The following GMDS variants were observed in gnomAD, a reference collection of about 807,000 sequenced individuals.
GMDS encodes the protein GDP-mannose 4,6-dehydratase.
In GMDS, 20 loss-of-function variants were observed where a neutral mutation model predicts 49.9. The observed-to-expected ratio is 0.40, with a 90% confidence interval of 0.28 to 0.58. The LOEUF is 0.58. GMDS is among the 20% of genes least tolerant of loss of function. GMDS has a pLI of 0.42. For synonymous variants in GMDS, 177 were observed against 178.6 expected, an observed-to-expected ratio of 0.99 and a Z score of 0.07; for missense variants, 362 against 481.4, an observed-to-expected ratio of 0.75 and a Z score of 2.32.
At chr6:1,704,279 G>A (rs1283505782) in intron 9 of GMDS, among the ~76,000 whole-genome samples, 1 of 151,480 alleles carries the variant, frequency 6.6e-6, no homozygotes, top group Non-Finnish European at 1.5e-5. Flanking sequence ...TAAAGGCACT[G>A]AGATTCAAGG....
intron 9 of GMDS, among the ~76,000 whole-genome samples, chr6:1,652,698 TTATATATATATA>T (rs57897372): frequency 5.3e-4 from 1 of 1,892 alleles, no homozygotes; most frequent in African/African-American, 1.1e-3. Flanking sequence ...ATATAATATA[TTATATATATATA>T]TATATATATA....
At chr6:1,914,131 G>GTTTTTTTTTTTTTTT (rs563808537) in intron 7 of GMDS, among the ~76,000 whole-genome samples, 1 of 77,856 alleles carries the variant, frequency 1.3e-5, no homozygotes, top group Non-Finnish European at 2.6e-5. Flanking sequence ...TTTTTTGTTT[G>GTTTTTTTTTTTTTTT]TTTTTTTTTT....
intron 7 of GMDS, among the ~76,000 whole-genome samples, chr6:1,786,612 T>C (rs1394304775): frequency 6.6e-6 from 1 of 152,136 alleles, no homozygotes; most frequent in Non-Finnish European, 1.5e-5. Context: ...CGCTGGGCAG[T>C]CTCCTCCCTA....
chr6:2,233,768 T>G (rs1349072770), intron 1 of GMDS, among the ~76,000 whole-genome samples: 1 of 152,030 alleles, frequency 6.6e-6, no homozygotes, highest in Non-Finnish European at 1.5e-5. Flanking sequence ...GAAGTTGCAG[T>G]GGGCAGTGAT....
chr6:1,644,228 CCT>C (rs1350582587), intron 9 of GMDS, among the ~76,000 whole-genome samples: 1 of 152,184 alleles, frequency 6.6e-6, no homozygotes, highest in African/African-American at 2.4e-5. Flanking sequence ...AGGGGAGACC[CCT>C]GATTCCACCC....
intron 7 of GMDS, among the ~76,000 whole-genome samples, chr6:1,808,690 T>C (rs1449184848): frequency 6.6e-6 from 1 of 152,198 alleles, no homozygotes. Flanking sequence ...AAAATTAATA[T>C]TGCCTAATGT....
chr6:2,069,821 G>A (rs966286389), intron 4 of GMDS, among the ~76,000 whole-genome samples: 20 of 152,092 alleles, frequency 1.3e-4, no homozygotes, highest in African/African-American at 4.4e-4. Context: ...CTGCTGGTGG[G>A]ACTGTAAACT....
At chr6:1,726,348 C>A (rs1766584700) in intron 9 of GMDS, 68 bp downstream of exon 9, 2 of 1,009,040 alleles carry the variant, frequency 2.0e-6, no homozygotes, top group African/African-American at 3.2e-5. Context: ...ACCAGGCATT[C>A]CATGAGCGCA....
chr6:1,628,579 C>G (rs986010286), intron 9 of GMDS, among the ~76,000 whole-genome samples: 4 of 152,160 alleles, frequency 2.6e-5, no homozygotes, highest in Non-Finnish European at 5.9e-5. Flanking sequence ...TTAGTTCAAA[C>G]TAGGTGTTGG....
At chr6:1,882,035 T>C (rs1759389453) in intron 7 of GMDS, among the ~76,000 whole-genome samples, 1 of 152,236 alleles carries the variant, frequency 6.6e-6, no homozygotes, top group Non-Finnish European at 1.5e-5. Flanking sequence ...TATTTTTAAA[T>C]ACACATGTAA....
intron 1 of GMDS, among the ~76,000 whole-genome samples, chr6:2,233,538 G>A (rs1237073911): frequency 6.6e-6 from 1 of 152,208 alleles, no homozygotes; most frequent in East Asian, 1.9e-4. Context: ...ACAAAAACAG[G>A]GCTTGCCGTG....
chr6:1,777,238 G>A (rs141308783), intron 7 of GMDS, among the ~76,000 whole-genome samples: 28 of 152,318 alleles, frequency 1.8e-4, no homozygotes, highest in African/African-American at 6.5e-4. Flanking sequence ...GCGCTGCTGC[G>A]CCTACATAGC....
chr6:2,227,860 T>C (rs1581827492), intron 1 of GMDS, among the ~76,000 whole-genome samples: 2 of 152,138 alleles, frequency 1.3e-5, no homozygotes, highest in Admixed American at 1.3e-4. Context: ...AGACATAGGC[T>C]CTCCTACCTG....
chr6:1,707,351 T>C (rs746968132), intron 9 of GMDS, among the ~76,000 whole-genome samples: 4 of 152,206 alleles, frequency 2.6e-5, no homozygotes, highest in Non-Finnish European at 4.4e-5. Context: ...CATCTATCTA[T>C]GTATTGCTCA....
chr6:2,156,813 C>T (rs920943609), intron 1 of GMDS, among the ~76,000 whole-genome samples: 16 of 151,616 alleles, frequency 1.1e-4, no homozygotes, highest in African/African-American at 3.6e-4. Context: ...TTTACATATG[C>T]CATATATAAA....
intron 7 of GMDS, among the ~76,000 whole-genome samples, chr6:1,784,548 G>A (rs187577810): frequency 2.6e-5 from 4 of 152,232 alleles, no homozygotes; most frequent in East Asian, 3.9e-4. Flanking sequence ...AGATTTGGCC[G>A]GATGTCAGAG....
rs113816064 is a variant in GMDS, at chr6:2,072,404, T to A, written c.345+43367A>T. On this transcript the variant is annotated intron_variant, in intron 4 of 10. Coordinates refer to ENST00000380815, the MANE Select transcript of GMDS (RefSeq NM_001500.4). Reference sequence around the variant, plus strand: ...TGTCTGAAGGCAGCCTGCCTATCCTTTTCATTTTAAATAAAACTGATCAAA... The same window carrying A: ...TGTCTGAAGGCAGCCTGCCTATCCTATTCATTTTAAATAAAACTGATCAAA... Among the ~76,000 whole-genome samples, 574 of 152,286 alleles carry A rather than the reference T, an allele frequency of 3.8e-3. 3 individuals are homozygous for A. The highest frequency in any genetic ancestry group is 0.013 in the African/African-American group (537 of 41,552).
In GMDS at chr6:2,117,480, T is replaced by C; in HGVS notation, c.224A>G (p.His75Arg). 6.3e-7 allele frequency: 1 copy of C among 1,580,478 alleles called. No individual in the cohort carries two copies. Among genetic ancestry groups the C allele is most frequent in the Non-Finnish European group, 8.7e-7 (1 of 1,149,308 alleles). ...IEHLYKNPQA[H>R]IEGNMKLHYG... ...AGAAAATGACTTACTTCCTTCAATG[T>C]GAGCCTGGGGATTCTTATACAGATG... Residue 75 changes from histidine to arginine, a missense_variant, in exon 3 of 11, where the codon CAC becomes CGC. Coordinates refer to ENST00000380815, the MANE Select transcript of GMDS (RefSeq NM_001500.4).
intron 4 of GMDS, among the ~76,000 whole-genome samples, chr6:2,073,303 A>C (rs1428195528): frequency 1.3e-5 from 2 of 152,230 alleles, no homozygotes; most frequent in African/African-American, 2.4e-5. Context: ...TGCATAAAAA[A>C]GGAATATCTT....
Sources: gnomAD v4.1 joint callset for allele counts (sites outside exome capture counted in the v4.1 genomes callset) on GRCh38, gnomAD v4.1.1 for gene constraint, MANE v1.5 for transcripts, NCBI Gene and HGNC (gene_info 2026-07-23, HGNC 2026-07-21) for gene names.